Variants in KIAA1217 observed in about 807,000 individuals in gnomAD.
KIAA1217 encodes sickle tail protein homolog.
Under a neutral mutation model 163.9 loss-of-function variants are expected in KIAA1217, and 88 were observed. The ratio of observed to expected loss-of-function variants is 0.54; its 90% CI spans 0.45 to 0.64. The LOEUF is 0.64. KIAA1217 is among the 30% of genes least tolerant of loss of function. The probability of loss-of-function intolerance (pLI) is 0.00; values close to 1 mark genes in which losing one functional copy is unlikely to be tolerated. For synonymous variants in KIAA1217, 903 were observed against 923.1 expected (o/e 0.98, Z 0.39); for missense variants, 2,372 against 2,475.0 (o/e 0.96, Z 0.88).
At chr10:24,479,148 C>T (rs1160799126) in intron 6 of KIAA1217, among the ~76,000 whole-genome samples, 1 of 152,176 alleles carries the variant, frequency 6.6e-6, no homozygotes, top group African/African-American at 2.4e-5. Context: ...CTTAGCAGAA[C>T]CTTCTGTGTA....
intron 2 of KIAA1217, among the ~76,000 whole-genome samples, chr10:24,140,019 C>G (rs12261996): frequency 2.6e-4 from 37 of 141,952 alleles, no homozygotes; most frequent in Non-Finnish European, 5.5e-4. Flanking sequence ...TTTTTTTTTC[C>G]CCCTTATCAA....
At chr10:23,893,605 C>G (rs1257263975) in intron 1 of KIAA1217, among the ~76,000 whole-genome samples, 1 of 151,866 alleles carries the variant, frequency 6.6e-6, no homozygotes, top group Non-Finnish European at 1.5e-5. Context: ...TTTGGATCTT[C>G]CCTGCTTTCT....
At chr10:24,181,460 G>T (rs1019736147) in intron 2 of KIAA1217, among the ~76,000 whole-genome samples, 7 of 152,160 alleles carry the variant, frequency 4.6e-5, no homozygotes, top group Admixed American at 2.0e-4. Context: ...AGTCAAAGGA[G>T]AAAAGTAATA....
chr10:24,012,071 C>T (rs1246606763), intron 2 of KIAA1217, among the ~76,000 whole-genome samples: 1 of 152,178 alleles, frequency 6.6e-6, no homozygotes, highest in African/African-American at 2.4e-5. Flanking sequence ...TTGAAAAACA[C>T]TTTGGAAGCT....
In KIAA1217 at chr10:23,937,251, T is replaced by A. The variant is rs113386987; in HGVS notation, c.-320-69974T>A. On this transcript the variant is annotated intron_variant, in intron 1 of 18. Transcript: ENST00000376462. ...TTATAGGGACGGAGCTTTTTAGGAG[T>A]GAGGGAGGAGCGCACCTACTATGAC... Among the ~76,000 whole-genome samples, 859 of 152,060 alleles carry A rather than the reference T, an allele frequency of 5.6e-3. 13 individuals are homozygous for A. The highest frequency in any genetic ancestry group is 0.02 in the African/African-American group (815 of 41,462).
intron 1 of KIAA1217, among the ~76,000 whole-genome samples, chr10:23,895,988 G>T (rs1220133729): frequency 6.6e-5 from 8 of 120,476 alleles, no homozygotes; most frequent in African/African-American, 2.3e-4. Flanking sequence ...ACTGGGGACT[G>T]TTGTGGGGTG....
intron 1 of KIAA1217, among the ~76,000 whole-genome samples, chr10:23,769,512 G>GA (rs1437356747): frequency 6.6e-6 from 1 of 152,226 alleles, no homozygotes; most frequent in Non-Finnish European, 1.5e-5. Flanking sequence ...CCCCAGGCAA[G>GA]AAGCGGGTTT....
intron 1 of KIAA1217, among the ~76,000 whole-genome samples, chr10:23,733,296 A>G (rs1450572309): frequency 6.6e-6 from 1 of 152,306 alleles, no homozygotes; most frequent in East Asian, 1.9e-4. Flanking sequence ...TATAGGTGTG[A>G]GCCAAAATGT....
chr10:23,717,590 G>A (rs1256858487), intron 1 of KIAA1217, among the ~76,000 whole-genome samples: 2 of 152,166 alleles, frequency 1.3e-5, no homozygotes, highest in Non-Finnish European at 2.9e-5. Flanking sequence ...AGCAGGTGGG[G>A]TGGTTCAGGA....
At chr10:24,399,773 A>G (rs2056302662) in intron 3 of KIAA1217, among the ~76,000 whole-genome samples, 1 of 152,246 alleles carries the variant, frequency 6.6e-6, no homozygotes, top group Admixed American at 6.5e-5. Flanking sequence ...ATTTCTAGCA[A>G]TATAGCAGCA....
chr10:24,071,255 C>A (rs1035133824), intron 2 of KIAA1217, among the ~76,000 whole-genome samples: 1 of 152,014 alleles, frequency 6.6e-6, no homozygotes, highest in Non-Finnish European at 1.5e-5. Flanking sequence ...CAAAACATTG[C>A]GAGTTTTGTT....
In KIAA1217 at chr10:24,380,789, A is replaced by T; in HGVS notation, c.355-80A>T. On this transcript the variant is annotated intron_variant, in intron 2 of 20. Transcript: ENST00000376454. ...CCTTGCCATATTATTTTTCCAGATT[A>T]ATAGAAATGGCATTGGACATATTTT... is the stretch of plus-strand genomic sequence containing the variant. The T allele has an allele frequency of 2.7e-6, 3 of 1,105,312 alleles. No homozygotes were observed. The highest frequency in any genetic ancestry group is 3.8e-6 in the Non-Finnish European group (3 of 789,354). 68.5% of individuals were successfully genotyped at this position (1,105,312 alleles called of 1,614,324 possible). A position where few individuals can be genotyped will look rare whatever the true frequency, so the allele number is the denominator to read the frequency against.
intron 5 of KIAA1217, among the ~76,000 whole-genome samples, chr10:24,452,517 CAAA>C (rs879925996): frequency 8.1e-6 from 1 of 123,600 alleles, no homozygotes; most frequent in Non-Finnish European, 1.8e-5. Flanking sequence ...ACTTAAAATA[CAAA>C]AAAAAAAAAA....
chr10:24,193,781 A>G (rs905434586), intron 2 of KIAA1217, among the ~76,000 whole-genome samples: 2 of 145,668 alleles, frequency 1.4e-5, no homozygotes, highest in African/African-American at 5.1e-5. Flanking sequence ...TTTTGTATGA[A>G]CTCCATCTGC....
intron 2 of KIAA1217, among the ~76,000 whole-genome samples, chr10:24,062,337 G>T: frequency 7.8e-6 from 1 of 127,852 alleles, no homozygotes; most frequent in Non-Finnish European, 1.6e-5. Context: ...CCCTTCCTGT[G>T]TCCATGTGTT....
In KIAA1217 at chr10:24,244,965, A is replaced by G. The variant is rs566013734; in HGVS notation, c.354+25056A>G. 1.3e-4 allele frequency among the ~76,000 whole-genome samples: 20 copies of G among 152,266 alleles called. 1 individual carries two copies. The South Asian group carries it at 4.2e-3, about 32-fold the overall frequency. Reference sequence around the variant, plus strand: ...TCAACTTCCTGGTTGTATAATTACAAGAGCCAATGTGAAATATTATGCATT... The same window carrying G: ...TCAACTTCCTGGTTGTATAATTACAGGAGCCAATGTGAAATATTATGCATT... On this transcript the variant is annotated intron_variant, in intron 2 of 20. Coordinates refer to ENST00000376454, the MANE Select transcript of KIAA1217 (RefSeq NM_019590.5).
intron 2 of KIAA1217, among the ~76,000 whole-genome samples, chr10:24,303,096 C>G (rs1323966787): frequency 6.6e-6 from 1 of 152,150 alleles, no homozygotes; most frequent in Non-Finnish European, 1.5e-5. Flanking sequence ...TCACTGCAGC[C>G]GCAAACTCCT....
intron 2 of KIAA1217, among the ~76,000 whole-genome samples, chr10:24,337,567 CTTTGTT>C (rs2046502238): frequency 6.7e-6 from 1 of 150,166 alleles, no homozygotes; most frequent in African/African-American, 2.4e-5. Flanking sequence ...TTTTTGTTTG[CTTTGTT>C]TTTGTTTTGT....
At position 24,159,076 on chromosome 10, in the gene KIAA1217, A is replaced by C. The variant is rs2065004285; in HGVS notation, c.-170-60550A>C. On this transcript the variant is annotated intron_variant, in intron 2 of 18. Transcript: ENST00000376462. ...CAGCATTGATTATTGTAAATTAAGTAACTGAAATTCTGGTGAGACTTCATA... is the reference window on the plus strand; with the variant it reads ...CAGCATTGATTATTGTAAATTAAGTCACTGAAATTCTGGTGAGACTTCATA... 2.0e-5 allele frequency among the ~76,000 whole-genome samples: 3 copies of C among 152,344 alleles called. No individual in the cohort carries two copies. The South Asian group carries it at 6.2e-4, about 32-fold the overall frequency.
Sources: allele counts gnomAD v4.1 joint callset (sites outside exome capture counted in the v4.1 genomes callset), GRCh38; gene constraint gnomAD v4.1.1; transcripts MANE v1.5; gene names NCBI Gene and HGNC (gene_info 2026-07-23, HGNC 2026-07-21).